PLXDC2: variants seen among roughly 807,000 people sequenced by gnomAD.
PLXDC2 encodes plexin domain-containing protein 2.
In PLXDC2, 40 loss-of-function variants were observed where a neutral mutation model predicts 68.9. The observed-to-expected ratio is 0.58, with a 90% CI of 0.45 to 0.76. PLXDC2 has a LOEUF of 0.76. Among genes scored for constraint, PLXDC2 ranks in the 30% least tolerant of loss-of-function variants. The probability of loss-of-function intolerance (pLI) is 0.00; values close to 1 mark genes in which losing one functional copy is unlikely to be tolerated. For synonymous variants in PLXDC2, 243 were observed against 234.2 expected (o/e 1.04, Z -0.34); for missense variants, 644 against 661.9 (o/e 0.97, Z 0.30).
chr10:20,022,841 T>C lies in PLXDC2; in HGVS notation c.324+20855T>C, dbSNP rs529967635. 3.9e-5 allele frequency among the ~76,000 whole-genome samples: 6 copies of C among 152,134 alleles called. No homozygotes were observed. In the South Asian group the frequency reaches 1.0e-3, roughly 26 times the overall value. On this transcript the variant is annotated intron_variant, in intron 2 of 13. Transcript: ENST00000377252. ...AATTTGAAGGTGAAAATCTTGCAAC[T>C]TTCCTAGAGTTTTTGCGAATAAAAT...
chr10:20,216,870 A>G (rs563659681), intron 10 of PLXDC2, among the ~76,000 whole-genome samples: 7 of 152,356 alleles, frequency 4.6e-5, no homozygotes, highest in African/African-American at 1.4e-4. Context: ...GTTCTGTTCA[A>G]TCCTTTGCTT....
chr10:20,161,195 C>G (rs1349406887), intron 6 of PLXDC2, among the ~76,000 whole-genome samples: 6 of 152,112 alleles, frequency 3.9e-5, no homozygotes, highest in Admixed American at 1.3e-4. Flanking sequence ...GCCTATAAAT[C>G]AGCTTGCTGG....
Position 19,950,146 on chromosome 10 carries a change from T to C in PLXDC2, c.113-51629T>C, listed in dbSNP as rs554730902. ...ACTCTCTGCACTCATATTCAAGATATTACTAATTGTCCTAGTCTGAGAAAT... is the reference window on the plus strand; with the variant it reads ...ACTCTCTGCACTCATATTCAAGATACTACTAATTGTCCTAGTCTGAGAAAT... On this transcript the variant is annotated intron_variant, in intron 1 of 13. Coordinates refer to ENST00000377252, the MANE Select transcript of PLXDC2 (RefSeq NM_032812.9). Among the ~76,000 whole-genome samples, 5 of 152,176 alleles carry C rather than the reference T, an allele frequency of 3.3e-5. No individual in the cohort carries two copies. The South Asian group carries it at 1.0e-3, about 32-fold the overall frequency.
chr10:20,140,065 C>T (rs1019135520), intron 4 of PLXDC2, among the ~76,000 whole-genome samples: 11 of 152,072 alleles, frequency 7.2e-5, no homozygotes, highest in Admixed American at 1.3e-4. Context: ...CTTTGGGAGG[C>T]CGAGGCAGAC....
intron 2 of PLXDC2, among the ~76,000 whole-genome samples, chr10:20,010,752 T>C (rs895721336): frequency 6.6e-6 from 1 of 152,210 alleles, no homozygotes; most frequent in South Asian, 2.1e-4. Context: ...ATTCTCCATG[T>C]TCAAAGAGAA....
At chr10:20,118,914 T>G (rs1833657347) in intron 4 of PLXDC2, among the ~76,000 whole-genome samples, 1 of 147,030 alleles carries the variant, frequency 6.8e-6, no homozygotes, top group East Asian at 2.1e-4. Context: ...GAATTTACAT[T>G]GAAGCCTTTT....
intron 1 of PLXDC2, among the ~76,000 whole-genome samples, chr10:19,997,340 C>A (rs1834860642): frequency 6.6e-6 from 1 of 152,180 alleles, no homozygotes; most frequent in South Asian, 2.1e-4. Context: ...CATCTAGTCT[C>A]AAATGTATCT....
At chr10:19,909,773 T>C (rs1434622690) in intron 1 of PLXDC2, among the ~76,000 whole-genome samples, 1 of 152,148 alleles carries the variant, frequency 6.6e-6, no homozygotes, top group Admixed American at 6.6e-5. Context: ...CAAATGATGA[T>C]GATGATCATG....
intron 9 of PLXDC2, among the ~76,000 whole-genome samples, chr10:20,189,907 T>C (rs1450331658): frequency 1.3e-5 from 2 of 151,738 alleles, no homozygotes; most frequent in Non-Finnish European, 2.9e-5. Flanking sequence ...ACCGGTTTTC[T>C]TTTTTTCCAA....
At chr10:20,250,302 C>G (rs562942920) in intron 13 of PLXDC2, among the ~76,000 whole-genome samples, 2 of 150,486 alleles carry the variant, frequency 1.3e-5, no homozygotes, top group East Asian at 3.9e-4. Flanking sequence ...ATTCATGACT[C>G]TATCCTTGAG....
intron 1 of PLXDC2, among the ~76,000 whole-genome samples, chr10:19,837,058 A>G (rs1195402725): frequency 6.6e-6 from 1 of 152,050 alleles, no homozygotes; most frequent in Admixed American, 6.5e-5. Context: ...CTTATAAAAG[A>G]GACATTATTT....
chr10:20,185,773 T>C (rs965046432), intron 9 of PLXDC2, among the ~76,000 whole-genome samples: 4 of 151,968 alleles, frequency 2.6e-5, no homozygotes, highest in Admixed American at 6.6e-5. Flanking sequence ...AGTTGTGAAA[T>C]TCATACCTAA....
At chr10:20,233,134 T>C (rs1348300097) in intron 12 of PLXDC2, among the ~76,000 whole-genome samples, 9 of 152,152 alleles carry the variant, frequency 5.9e-5, no homozygotes, top group Admixed American at 5.9e-4. Context: ...ATGCGAGTTG[T>C]ATAGTTGCAC....
At chr10:20,230,692 TC>T (rs1366653185) in intron 12 of PLXDC2, among the ~76,000 whole-genome samples, 2 of 2,664 alleles carry the variant, frequency 7.5e-4, no homozygotes, top group Non-Finnish European at 2.4e-3. Flanking sequence ...AGACCTTGTC[TC>T]AAAAAAAAAA....
At chr10:19,960,350 T>G (rs370813929) in intron 1 of PLXDC2, among the ~76,000 whole-genome samples, 4 of 151,812 alleles carry the variant, frequency 2.6e-5, no homozygotes, top group African/African-American at 9.7e-5. Context: ...GGTGACTGAG[T>G]GAGACCCTGT....
intron 1 of PLXDC2, among the ~76,000 whole-genome samples, chr10:19,851,043 A>G (rs980638371): frequency 3.9e-5 from 6 of 152,192 alleles, no homozygotes; most frequent in Admixed American, 6.5e-5. Context: ...AAAGGATTTT[A>G]TGATAAATGG....
chr10:20,007,352 T>C (rs1835042821), intron 2 of PLXDC2, among the ~76,000 whole-genome samples: 1 of 152,240 alleles, frequency 6.6e-6, no homozygotes, highest in Non-Finnish European at 1.5e-5. Flanking sequence ...TGTTGGTCAC[T>C]TATAGTGTTC....
chr10:19,832,387 A>C (rs1438334154), intron 1 of PLXDC2, among the ~76,000 whole-genome samples: 1 of 152,232 alleles, frequency 6.6e-6, no homozygotes, highest in Non-Finnish European at 1.5e-5. Flanking sequence ...GCATGAATGC[A>C]CTTATTAGAA....
chr10:19,928,590 A>C (rs1266211418), intron 1 of PLXDC2, among the ~76,000 whole-genome samples: 1 of 152,150 alleles, frequency 6.6e-6, no homozygotes, highest in East Asian at 1.9e-4. Flanking sequence ...CCCGTGATGA[A>C]GTGTGCCAGA....
Sources: gnomAD v4.1 joint callset for allele counts (sites outside exome capture counted in the v4.1 genomes callset) on GRCh38, gnomAD v4.1.1 for gene constraint, MANE v1.5 for transcripts, NCBI Gene and HGNC (gene_info 2026-07-23, HGNC 2026-07-21) for gene names.